Variants in BRINP3 observed in about 807,000 individuals in gnomAD.
The protein encoded by BRINP3 is BMP/retinoic acid-inducible neural-specific protein 3.
In BRINP3, 19 loss-of-function variants were observed where a neutral mutation model predicts 71.0. That is an observed-to-expected ratio of 0.27 (90% CI 0.19 to 0.39). The LOEUF is 0.39. Among genes scored for constraint, BRINP3 ranks in the 10% least tolerant of loss-of-function variants. The pLI, the probability that BRINP3 is intolerant of heterozygous loss-of-function variation, is 1.00. For missense variants in BRINP3, 959 were observed against 940.8 expected (o/e 1.02, Z -0.25); for synonymous variants, 380 against 337.7 (o/e 1.13, Z -1.37).
At chr1:190,207,756 T>C (rs1351679621) in intron 6 of BRINP3, among the ~76,000 whole-genome samples, 1 of 152,170 alleles carries the variant, frequency 6.6e-6, no homozygotes, top group Non-Finnish European at 1.5e-5. Flanking sequence ...TTGAATTACA[T>C]AATGATAATG....
At chr1:190,263,005 G>A (rs1441878239) in intron 4 of BRINP3, among the ~76,000 whole-genome samples, 1 of 151,980 alleles carries the variant, frequency 6.6e-6, no homozygotes, top group East Asian at 1.9e-4. Flanking sequence ...TGTGAAATGT[G>A]CCTGTATATT....
At chr1:190,294,229 C>T (rs997717691) in intron 2 of BRINP3, among the ~76,000 whole-genome samples, 3 of 150,038 alleles carry the variant, frequency 2.0e-5, no homozygotes, top group African/African-American at 7.3e-5. Flanking sequence ...TTTACAAAAA[C>T]ATCTTATAGC....
In BRINP3 at chr1:190,337,868, A is replaced by ATTGTTG. The variant is rs372440917; in HGVS notation, c.237-56124_237-56119dup. Among the ~76,000 whole-genome samples, 22 of 151,824 alleles carry ATTGTTG rather than the reference A, an allele frequency of 1.4e-4. No individual in the cohort carries two copies. In the South Asian group the frequency reaches 3.7e-3, roughly 26 times the overall value. On this transcript the variant is annotated intron_variant, in intron 2 of 7. Transcript: ENST00000367462. ...CTATCTAAGGCCATGCTTGGGTTTT[A>ATTGTTG]TTGTTGTTGTTGTTGTTGTTGTTCT...
chr1:190,325,741 T>C (rs2103064050), intron 2 of BRINP3, among the ~76,000 whole-genome samples: 1 of 152,228 alleles, frequency 6.6e-6, no homozygotes, highest in South Asian at 2.1e-4. Flanking sequence ...TATGCTGATC[T>C]GACACAATCT....
At chr1:190,447,042 G>A (rs1334444467) in intron 2 of BRINP3, among the ~76,000 whole-genome samples, 2 of 151,750 alleles carry the variant, frequency 1.3e-5, no homozygotes, top group African/African-American at 4.8e-5. Flanking sequence ...GTTAGAAGGT[G>A]ATTTTAGTGC....
chr1:190,349,086 T>G (rs969858735), intron 2 of BRINP3, among the ~76,000 whole-genome samples: 1 of 152,062 alleles, frequency 6.6e-6, no homozygotes, highest in African/African-American at 2.4e-5. Context: ...GGCCAGTGCA[T>G]GGGATCATAA....
At chr1:190,104,610 C>T (rs886471479) in intron 7 of BRINP3, among the ~76,000 whole-genome samples, 1 of 151,840 alleles carries the variant, frequency 6.6e-6, no homozygotes, top group Non-Finnish European at 1.5e-5. Context: ...AAATAGATGC[C>T]ATTTTAATAA....
intron 2 of BRINP3, among the ~76,000 whole-genome samples, chr1:190,433,377 G>C (rs1674235611): frequency 6.6e-6 from 1 of 151,994 alleles, no homozygotes; most frequent in African/African-American, 2.4e-5. Flanking sequence ...CTACTTTCTG[G>C]GTTCTTATTA....
At chr1:190,163,405 G>A (rs1176219405) in intron 6 of BRINP3, among the ~76,000 whole-genome samples, 9 of 151,896 alleles carry the variant, frequency 5.9e-5, no homozygotes, top group Non-Finnish European at 8.8e-5. Flanking sequence ...TAAAATATTG[G>A]TAATTAGAGA....
intron 7 of BRINP3, among the ~76,000 whole-genome samples, chr1:190,134,536 A>G (rs1376643783): frequency 2.6e-5 from 4 of 152,112 alleles, no homozygotes; most frequent in Non-Finnish European, 5.9e-5. Flanking sequence ...TTATGATGCT[A>G]CAGCTATAGT....
At chr1:190,334,267 G>T (rs961420486) in intron 2 of BRINP3, among the ~76,000 whole-genome samples, 1 of 151,606 alleles carries the variant, frequency 6.6e-6, no homozygotes, top group Non-Finnish European at 1.5e-5. Context: ...CCCTGCCCAC[G>T]CTACGTTCAA....
intron 7 of BRINP3, among the ~76,000 whole-genome samples, chr1:190,120,819 A>G (rs1311217358): frequency 6.6e-6 from 1 of 152,016 alleles, no homozygotes; most frequent in African/African-American, 2.4e-5. Flanking sequence ...ATTTTTTGTT[A>G]AGTGCAAAAT....
intron 5 of BRINP3, among the ~76,000 whole-genome samples, chr1:190,231,774 A>C (rs1472737012): frequency 1.3e-5 from 2 of 151,882 alleles, no homozygotes; most frequent in African/African-American, 4.8e-5. Flanking sequence ...GAGATCTCAA[A>C]GTCCATCTTT....
intron 4 of BRINP3, among the ~76,000 whole-genome samples, chr1:190,261,721 A>G (rs1052982284): frequency 3.3e-5 from 5 of 152,192 alleles, no homozygotes; most frequent in African/African-American, 1.2e-4. Context: ...TTAAATACCT[A>G]CTATATGTCA....
chr1:190,134,676 T>A (rs1654828874), intron 7 of BRINP3, among the ~76,000 whole-genome samples: 1 of 152,080 alleles, frequency 6.6e-6, no homozygotes, highest in Non-Finnish European at 1.5e-5. Flanking sequence ...GGACTTCAGT[T>A]TTATTCCAGA....
At chr1:190,251,133 T>C (rs896565311) in intron 4 of BRINP3, among the ~76,000 whole-genome samples, 3 of 151,872 alleles carry the variant, frequency 2.0e-5, no homozygotes, top group Non-Finnish European at 2.9e-5. Context: ...TTTTTAGCAA[T>C]TGGTTTCTTT....
At chr1:190,099,800 C>T (rs1317436733) in intron 7 of BRINP3, among the ~76,000 whole-genome samples, 1 of 152,200 alleles carries the variant, frequency 6.6e-6, no homozygotes, top group African/African-American at 2.4e-5. Context: ...TCATTAAAAT[C>T]AACAAGCTCC....
intron 2 of BRINP3, among the ~76,000 whole-genome samples, chr1:190,337,520 C>T (rs532824341): frequency 5.9e-5 from 9 of 152,130 alleles, no homozygotes; most frequent in African/African-American, 1.9e-4. Flanking sequence ...CTGGCTGAGT[C>T]TTCTGGCCTC....
intron 2 of BRINP3, among the ~76,000 whole-genome samples, chr1:190,387,566 G>T (rs1041999699): frequency 2.0e-5 from 3 of 151,846 alleles, no homozygotes; most frequent in African/African-American, 7.2e-5. Flanking sequence ...TGTAGTTGGA[G>T]CTGTATGAGA....
Sources: allele counts gnomAD v4.1 joint callset (sites outside exome capture counted in the v4.1 genomes callset), GRCh38; gene constraint gnomAD v4.1.1; transcripts MANE v1.5; gene names NCBI Gene and HGNC (gene_info 2026-07-23, HGNC 2026-07-21).